The following ACYP2 variants were observed in gnomAD, a reference collection of about 807,000 sequenced individuals.
ACYP2 encodes acylphosphatase-2.
A neutral mutation model predicts 11.2 loss-of-function variants in ACYP2; 12 were observed. That is an observed-to-expected ratio of 1.08 (90% CI 0.69 to 1.74). The LOEUF (loss-of-function observed/expected upper bound fraction) is 1.74, where lower values mean the gene tolerates loss of function less well. Among genes scored for constraint, ACYP2 ranks in the 40% most tolerant of loss-of-function variants. The pLI is 0.00. For synonymous variants in ACYP2, 43 were observed against 32.2 expected, an observed-to-expected ratio of 1.33 and a Z score of -1.13; for missense variants, 134 against 101.9, an observed-to-expected ratio of 1.31 and a Z score of -1.35.
intron 6 of ACYP2, among the ~76,000 whole-genome samples, chr2:54,198,960 G>A (rs1231249636): frequency 6.6e-6 from 1 of 152,166 alleles, no homozygotes; most frequent in Non-Finnish European, 1.5e-5. Flanking sequence ...AGGAAAAGGA[G>A]CTCTGGGTTG....
chr2:53,979,695 G>A lies in ACYP2; in HGVS notation c.62+5885G>A, dbSNP rs185022689. 2.2e-3 allele frequency among the ~76,000 whole-genome samples: 338 copies of A among 151,966 alleles called. 1 individual carries two copies. The highest frequency in any genetic ancestry group is 7.5e-3 in the African/African-American group (312 of 41,480). On this transcript the variant is annotated intron_variant, in intron 2 of 6. Coordinates refer to ENST00000607452, the MANE Select transcript of ACYP2 (RefSeq NM_001320586.2). ...CTGTACAGCAGTACAATGTGTGTGTGTTTTTTTGTTTTTGTTTTTGTTTTT... is the reference window on the plus strand; with the variant it reads ...CTGTACAGCAGTACAATGTGTGTGTATTTTTTTGTTTTTGTTTTTGTTTTT...
At chr2:53,984,002 G>T (rs1446865401) in intron 2 of ACYP2, among the ~76,000 whole-genome samples, 1 of 152,226 alleles carries the variant, frequency 6.6e-6, no homozygotes, top group East Asian at 1.9e-4. Flanking sequence ...GGTTTATCCT[G>T]TAAGCATTGA....
chr2:54,297,897 C>T (rs931868910), intron 6 of ACYP2, among the ~76,000 whole-genome samples: 1 of 152,066 alleles, frequency 6.6e-6, no homozygotes, highest in Non-Finnish European at 1.5e-5. Context: ...TTAGAATTGC[C>T]ACTTTTCTCC....
rs1444550249 is a variant in ACYP2 at position 54,180,134 on chromosome 2, G to C, written c.404+41386G>C. On this transcript the variant is annotated intron_variant, in intron 6 of 6. Transcript: ENST00000607452. ...GGATATTACCAAGGATGCAGATTTAGAGATGCATAGTGCATGCAGCTTCCA... is the reference window on the plus strand; with the variant it reads ...GGATATTACCAAGGATGCAGATTTACAGATGCATAGTGCATGCAGCTTCCA... Among the ~76,000 whole-genome samples the C allele has an allele frequency of 2.0e-5, 3 of 152,170 alleles. No homozygotes were observed. The East Asian group carries it at 5.8e-4, about 29-fold the overall frequency.
intron 6 of ACYP2, among the ~76,000 whole-genome samples, chr2:54,292,581 A>G (rs995285345): frequency 6.6e-6 from 1 of 152,124 alleles, no homozygotes; most frequent in Admixed American, 6.5e-5. Flanking sequence ...TGGTTCTGTC[A>G]GACAGTGCTG....
chr2:54,152,845 T>G (rs926863485), intron 6 of ACYP2, among the ~76,000 whole-genome samples: 1 of 151,996 alleles, frequency 6.6e-6, no homozygotes, highest in Non-Finnish European at 1.5e-5. Flanking sequence ...ATTAATTTTT[T>G]TAGAGATAGG....
At chr2:54,055,088 G>A (rs1287323345) in intron 3 of ACYP2, among the ~76,000 whole-genome samples, 1 of 152,044 alleles carries the variant, frequency 6.6e-6, no homozygotes, top group Non-Finnish European at 1.5e-5. Context: ...CCGGGCTAGA[G>A]TGCAGTGGTG....
At chr2:54,048,023 A>T (rs1675616917) in intron 2 of ACYP2, among the ~76,000 whole-genome samples, 1 of 152,240 alleles carries the variant, frequency 6.6e-6, no homozygotes, top group Non-Finnish European at 1.5e-5. Context: ...CTCACTAAGC[A>T]TTGTAACCTT....
At chr2:54,205,515 G>A (rs1353934919) in intron 6 of ACYP2, among the ~76,000 whole-genome samples, 1 of 152,114 alleles carries the variant, frequency 6.6e-6, no homozygotes, top group Non-Finnish European at 1.5e-5. Context: ...TCACCTCTTT[G>A]AGATGGCTTG....
chr2:53,992,514 G>A (rs371901252), intron 2 of ACYP2, among the ~76,000 whole-genome samples: 5 of 152,168 alleles, frequency 3.3e-5, no homozygotes, highest in Admixed American at 2.0e-4. Context: ...TAGTGCCAAC[G>A]GTGAGAAGTA....
At chr2:54,076,986 G>A (rs776848439) in intron 4 of ACYP2, among the ~76,000 whole-genome samples, 9 of 145,656 alleles carry the variant, frequency 6.2e-5, no homozygotes, top group South Asian at 2.4e-4. Context: ...AAACAAAACC[G>A]TATTGAATTT....
intron 6 of ACYP2, among the ~76,000 whole-genome samples, chr2:54,227,745 T>C (rs983001611): frequency 2.0e-5 from 3 of 152,234 alleles, no homozygotes; most frequent in Non-Finnish European, 4.4e-5. Context: ...GCTTTATTAA[T>C]CCAAAGTAAG....
chr2:54,138,886 A>G (rs1681430944), intron 6 of ACYP2, 138 bp downstream of exon 3: 1 of 684,442 alleles, frequency 1.5e-6, no homozygotes. Flanking sequence ...TCTGCCTTCC[A>G]GGCTCAGATC....
At chr2:54,087,280 A>G (rs573912225) in intron 4 of ACYP2, among the ~76,000 whole-genome samples, 1 of 152,348 alleles carries the variant, frequency 6.6e-6, no homozygotes, top group South Asian at 2.1e-4. Context: ...TAAAGTGTAC[A>G]TTTGTTATTT....
In ACYP2 at chr2:53,990,573, C is replaced by G. The variant is rs887637342; in HGVS notation, c.62+16763C>G. 7.2e-4 allele frequency among the ~76,000 whole-genome samples: 104 copies of G among 144,926 alleles called. 2 individuals carry two copies. The highest frequency in any genetic ancestry group is 2.6e-3 in the African/African-American group (102 of 39,272). On this transcript the variant is annotated intron_variant, in intron 2 of 6. Coordinates refer to ENST00000607452, the MANE Select transcript of ACYP2 (RefSeq NM_001320586.2). ...CTGAGGCAGGAGAATCTGTTGAACCCGGGAGGTGCAGTTTGCAGCGAGCCG... is the reference window on the plus strand; with the variant it reads ...CTGAGGCAGGAGAATCTGTTGAACCGGGGAGGTGCAGTTTGCAGCGAGCCG...
intron 6 of ACYP2, among the ~76,000 whole-genome samples, chr2:54,228,428 A>C (rs1686096770): frequency 6.6e-6 from 1 of 152,166 alleles, no homozygotes; most frequent in African/African-American, 2.4e-5. Flanking sequence ...CATTTTGGAG[A>C]TGAAGAAATC....
intron 4 of ACYP2, among the ~76,000 whole-genome samples, chr2:54,128,916 C>T (rs767777193): frequency 1.3e-5 from 2 of 152,186 alleles, no homozygotes; most frequent in African/African-American, 4.8e-5. Flanking sequence ...ACTTGGTCTA[C>T]TCAGACTCAC....
chr2:54,140,676 G>A lies in ACYP2; in HGVS notation c.404+1928G>A, dbSNP rs570844683. Reference sequence around the variant, plus strand: ...ACATCCAGGAAAATCCTTTCAAGTCGAATGGTAATCTCTAATTCATTCTTT... The same window carrying A: ...ACATCCAGGAAAATCCTTTCAAGTCAAATGGTAATCTCTAATTCATTCTTT... On this transcript the variant is annotated intron_variant, in intron 6 of 6. Coordinates refer to ENST00000607452, the MANE Select transcript of ACYP2 (RefSeq NM_001320586.2). Among the ~76,000 whole-genome samples, 11 of 152,112 alleles carry A rather than the reference G, an allele frequency of 7.2e-5. No individual in the cohort carries two copies. In the South Asian group the frequency reaches 1.9e-3, roughly 26 times the overall value.
At chr2:54,143,280 C>T (rs2103793373) in intron 6 of ACYP2, 1 of 152,254 alleles carries the variant, frequency 6.6e-6, no homozygotes, top group East Asian at 1.9e-4. Flanking sequence ...GGTAAATATA[C>T]TTTATCACAA....
Sources: allele counts gnomAD v4.1 joint callset (sites outside exome capture counted in the v4.1 genomes callset), GRCh38; gene constraint gnomAD v4.1.1; transcripts MANE v1.5; gene names NCBI Gene and HGNC (gene_info 2026-07-23, HGNC 2026-07-21).